The following PKN2 variants were observed in gnomAD, a reference collection of about 807,000 sequenced individuals.
PKN2 encodes the protein serine/threonine-protein kinase N2.
PKN2 carries 38 observed loss-of-function variants against 119.1 expected under a neutral mutation model. The observed-to-expected ratio is 0.32, with a 90% CI of 0.25 to 0.42. PKN2 has a LOEUF of 0.42. Ranked by LOEUF, PKN2 falls within the 10% of genes least tolerant of loss-of-function variation. The probability of loss-of-function intolerance (pLI) is 1.00; values close to 1 mark genes in which losing one functional copy is unlikely to be tolerated. For synonymous variants in PKN2, 390 were observed against 384.9 expected, an observed-to-expected ratio of 1.01 and a Z score of -0.15; for missense variants, 850 against 1,165.1, an observed-to-expected ratio of 0.73 and a Z score of 3.94.
chr1:88,828,418 A>G, intron 18 of PKN2, 63 bp from the exon 19 acceptor site: 1 of 1,323,272 alleles, frequency 7.6e-7, no homozygotes, highest in Non-Finnish European at 1.0e-6. Context: ...GATAGCTTTG[A>G]TTTTTTTTTT....
intron 1 of PKN2, among the ~76,000 whole-genome samples, chr1:88,699,787 T>C (rs564467249): frequency 3.3e-5 from 5 of 152,072 alleles, no homozygotes; most frequent in Non-Finnish European, 7.4e-5. Context: ...TTAATTTTTT[T>C]ATTTTTTATT....
At chr1:88,816,569 C>T (rs1321492941) in intron 16 of PKN2, among the ~76,000 whole-genome samples, 2 of 152,132 alleles carry the variant, frequency 1.3e-5, no homozygotes, top group East Asian at 1.9e-4. Flanking sequence ...TTTAAGCTCA[C>T]GTTTATTTTA....
chr1:88,684,658 T>G, intron 1 of PKN2, 30 bp downstream of exon 1: 5 of 1,498,196 alleles, frequency 3.3e-6, no homozygotes, highest in Non-Finnish European at 4.5e-6. Flanking sequence ...TGAGAGGCGC[T>G]GGCGGAGGAG....
intron 1 of PKN2, among the ~76,000 whole-genome samples, chr1:88,696,635 T>C (rs1666553216): frequency 6.6e-6 from 1 of 152,182 alleles, no homozygotes; most frequent in Admixed American, 6.5e-5. Flanking sequence ...GTGGAACATG[T>C]GTCCCTGATC....
chr1:88,739,901 A>G (rs1668509662), intron 1 of PKN2, among the ~76,000 whole-genome samples: 1 of 152,138 alleles, frequency 6.6e-6, no homozygotes, highest in Non-Finnish European at 1.5e-5. Context: ...TACTGAGTCA[A>G]CCAAATTACC....
At chr1:88,783,912 T>C (rs1481984297) in intron 6 of PKN2, among the ~76,000 whole-genome samples, 1 of 152,208 alleles carries the variant, frequency 6.6e-6, no homozygotes, top group Non-Finnish European at 1.5e-5. Context: ...TATTTAGTTA[T>C]ACAAAAACCC....
intron 3 of PKN2, among the ~76,000 whole-genome samples, chr1:88,767,610 G>C (rs1254845335): frequency 1.3e-5 from 2 of 152,138 alleles, no homozygotes; most frequent in Non-Finnish European, 2.9e-5. Context: ...ACAATGGTAA[G>C]TACTTGCATA....
chr1:88,833,506 C>G lies in PKN2; in HGVS notation c.*58C>G. 1 of 1,339,330 alleles carries G rather than the reference C, an allele frequency of 7.5e-7. No homozygotes were observed. Among genetic ancestry groups the G allele is most frequent in the South Asian group, 1.2e-5 (1 of 82,840 alleles). 83.0% of individuals were successfully genotyped at this position (1,339,330 alleles called of 1,614,324 possible). A position where few individuals can be genotyped will look rare whatever the true frequency, so the allele number is the denominator to read the frequency against. On this transcript the variant is annotated 3_prime_UTR_variant, in exon 22 of 22. Coordinates refer to ENST00000370521, the MANE Select transcript of PKN2 (RefSeq NM_006256.4). The stretch of plus-strand genomic sequence containing the variant: ...CAAGAAGACCTCTTAAAAATAGCAA[C>G]CCTTCATTTGCTCTCTGTGCCACCA...
Position 88,760,245 on chromosome 1 carries a change from C to A in PKN2, c.373C>A (p.Pro125Thr). The A allele has an allele frequency of 6.4e-7, 1 of 1,569,806 alleles. No individual in the cohort carries two copies. Residue 125 changes from proline (P) to threonine (T), a missense_variant, in exon 3 of 22, where the codon CCA (proline) becomes ACA (threonine). Physicochemically the swap from Pro to Thr is conservative, Grantham distance 38 (BLOSUM62 -1). Transcript: ENST00000370521. Reference sequence around the variant, plus strand: ...AGATTGCCCAAGGACTCCAGATACTCCAAATAATGACCCTCGTTGTTCTAC... The same window carrying A: ...AGATTGCCCAAGGACTCCAGATACTACAAATAATGACCCTCGTTGTTCTAC... ...ITDCPRTPDT[P>T]NNDPRCSTSN...
intron 1 of PKN2, among the ~76,000 whole-genome samples, chr1:88,711,837 T>C (rs1357435918): frequency 6.6e-6 from 1 of 152,134 alleles, no homozygotes; most frequent in Non-Finnish European, 1.5e-5. Flanking sequence ...CTGTATTTTA[T>C]GTAATTTTCT....
chr1:88,783,593 T>G (rs935201437), intron 6 of PKN2, among the ~76,000 whole-genome samples: 1 of 152,250 alleles, frequency 6.6e-6, no homozygotes, highest in Admixed American at 6.5e-5. Flanking sequence ...TAAGTAGTTA[T>G]TTAAATTAAT....
chr1:88,717,563 C>G (rs1212642689), intron 1 of PKN2, among the ~76,000 whole-genome samples: 1 of 151,600 alleles, frequency 6.6e-6, no homozygotes, highest in Non-Finnish European at 1.5e-5. Context: ...CACTGATATC[C>G]TTTCTTCTGC....
intron 1 of PKN2, among the ~76,000 whole-genome samples, chr1:88,727,410 G>T (rs1174856417): frequency 6.6e-6 from 1 of 152,084 alleles, no homozygotes; most frequent in Non-Finnish European, 1.5e-5. Flanking sequence ...AGCTCAAGCA[G>T]TCCTTCCACC....
At chr1:88,730,722 T>A (rs1308662500) in intron 1 of PKN2, among the ~76,000 whole-genome samples, 1 of 152,242 alleles carries the variant, frequency 6.6e-6, no homozygotes, top group Non-Finnish European at 1.5e-5. Flanking sequence ...CCCAGCACTA[T>A]CTGCTTCAGT....
intron 16 of PKN2, among the ~76,000 whole-genome samples, chr1:88,814,513 C>G (rs1671907311): frequency 6.6e-6 from 1 of 152,182 alleles, no homozygotes; most frequent in African/African-American, 2.4e-5. Context: ...CCTAAACTTC[C>G]AACTCTAATA....
intron 1 of PKN2, among the ~76,000 whole-genome samples, chr1:88,722,787 TAA>T (rs1293365955): frequency 1.0e-4 from 11 of 108,456 alleles, no homozygotes; most frequent in East Asian, 2.5e-4. Context: ...TGTCTCAAAA[TAA>T]AAAAAAAAAA....
At chr1:88,723,136 CAG>C (rs1263826208) in intron 1 of PKN2, among the ~76,000 whole-genome samples, 3 of 151,580 alleles carry the variant, frequency 2.0e-5, no homozygotes, top group African/African-American at 7.3e-5. Context: ...TCTTTTGAGA[CAG>C]AGTCTGGCTC....
In PKN2 at chr1:88,755,142, A is replaced by T. The variant is rs554008753; in HGVS notation, c.350-5080A>T. 9.9e-5 allele frequency among the ~76,000 whole-genome samples: 15 copies of T among 152,240 alleles called. 2 individuals are homozygous for T. Among genetic ancestry groups the T allele is most frequent in the African/African-American group, 3.4e-4 (14 of 41,546 alleles). On this transcript the variant is annotated intron_variant, in intron 2 of 21. Coordinates refer to ENST00000370521, the MANE Select transcript of PKN2 (RefSeq NM_006256.4). ...TACCATTTTACAGAGTTTTTAAAAAATTTTTTGAATGGTGAGAGTATTAAT... is the reference window on the plus strand; with the variant it reads ...TACCATTTTACAGAGTTTTTAAAAATTTTTTTGAATGGTGAGAGTATTAAT...
chr1:88,764,595 A>G (rs1378494444), intron 3 of PKN2, among the ~76,000 whole-genome samples: 1 of 152,140 alleles, frequency 6.6e-6, no homozygotes, highest in Non-Finnish European at 1.5e-5. Flanking sequence ...TTCGCTGCCC[A>G]TTTGTGGCCG....
Sources: allele counts gnomAD v4.1 joint callset (sites outside exome capture counted in the v4.1 genomes callset), GRCh38; gene constraint gnomAD v4.1.1; transcripts MANE v1.5; gene names NCBI Gene and HGNC (gene_info 2026-07-23, HGNC 2026-07-21).